The following PLEKHG4B variants were observed in gnomAD, a reference collection of about 807,000 sequenced individuals.
The protein encoded by PLEKHG4B is pleckstrin homology and RhoGEF domain containing G4B, also known as pleckstrin homology domain-containing family G member 4B.
In PLEKHG4B, 111 loss-of-function variants were observed where a neutral mutation model predicts 121.3. That is an observed-to-expected ratio of 0.92 (90% CI 0.78 to 1.07). The LOEUF is 1.07. Among genes scored for constraint, PLEKHG4B ranks in the 50% least tolerant of loss-of-function variants. The pLI is 0.00. For synonymous variants in PLEKHG4B, 738 were observed against 725.0 expected (o/e 1.02, Z -0.29); for missense variants, 1,831 against 1,757.8 (o/e 1.04, Z -0.74).
chr5:123,993 C>T (rs1439603484), intron 2 of PLEKHG4B, among the ~76,000 whole-genome samples: 1 of 152,034 alleles, frequency 6.6e-6, no homozygotes, highest in Non-Finnish European at 1.5e-5. Context: ...GCATTTATAG[C>T]TATAAATTTC....
intron 17 of PLEKHG4B, 73 bp downstream of exon 17, chr5:173,140 C>T: frequency 2.0e-6 from 3 of 1,475,324 alleles, no homozygotes; most frequent in Non-Finnish European, 2.8e-6. Flanking sequence ...CCTTGTCTCA[C>T]CTAAGGCCAG....
At chr5:121,204 G>GCA (rs1361474262) in intron 2 of PLEKHG4B, among the ~76,000 whole-genome samples, 1 of 151,480 alleles carries the variant, frequency 6.6e-6, no homozygotes, top group East Asian at 1.9e-4. Flanking sequence ...CCGAGATCGT[G>GCA]CCACTGCACT....
At position 156,282 on chromosome 5, in the gene PLEKHG4B, G is replaced by A. The variant is rs1735779952; in HGVS notation, c.2348+72G>A. On this transcript the variant is annotated intron_variant, in intron 10 of 19. Coordinates refer to ENST00000637938, the MANE Select transcript of PLEKHG4B (RefSeq NM_052909.5). The surrounding 1 kb of genome is among the most constrained non-coding windows in gnomAD (Gnocchi z 4.4). Reference sequence around the variant, plus strand: ...CTGCTCGGGGGAGTTTGCACCAGGAGGCGTAGCGCTCTGCTCCAAGGAGAG... The same window carrying A: ...CTGCTCGGGGGAGTTTGCACCAGGAAGCGTAGCGCTCTGCTCCAAGGAGAG... 1.5e-6 allele frequency: 2 copies of A among 1,321,426 alleles called. No individual in the cohort carries two copies. The highest frequency in any genetic ancestry group is 1.9e-6 in the Non-Finnish European group (2 of 1,025,720). 81.9% of individuals were successfully genotyped at this position (1,321,426 alleles called of 1,614,324 possible).
At chr5:160,207 C>A (rs558989368) in intron 11 of PLEKHG4B, among the ~76,000 whole-genome samples, 4 of 152,370 alleles carry the variant, frequency 2.6e-5, no homozygotes, top group African/African-American at 9.6e-5. Context: ...GCATGCGCTG[C>A]AAGCTCAGTC....
intron 2 of PLEKHG4B, among the ~76,000 whole-genome samples, chr5:117,562 A>G (rs1560905427): frequency 6.6e-6 from 1 of 152,196 alleles, no homozygotes; most frequent in Non-Finnish European, 1.5e-5. Context: ...GGAGAAGTTT[A>G]GAGAAAAGGG....
chr5:115,872 A>G (rs1482926877), intron 2 of PLEKHG4B, among the ~76,000 whole-genome samples: 1 of 152,232 alleles, frequency 6.6e-6, no homozygotes, highest in Non-Finnish European at 1.5e-5. Flanking sequence ...TCTTCTATCC[A>G]GACCACAAAG....
intron 2 of PLEKHG4B, among the ~76,000 whole-genome samples, chr5:118,375 G>A (rs1734365212): frequency 6.6e-6 from 1 of 152,118 alleles, no homozygotes; most frequent in Non-Finnish European, 1.5e-5. Context: ...TCCATTATGG[G>A]GCATACGTAG....
At chr5:150,717 A>C (rs1409027436) in intron 6 of PLEKHG4B, among the ~76,000 whole-genome samples, 2 of 152,234 alleles carry the variant, frequency 1.3e-5, no homozygotes, top group Admixed American at 1.3e-4. Flanking sequence ...ACTGAAAACC[A>C]AAATGAAACA....
chr5:148,671 T>C (rs1411473219), intron 6 of PLEKHG4B, among the ~76,000 whole-genome samples: 1 of 152,226 alleles, frequency 6.6e-6, no homozygotes, highest in Non-Finnish European at 1.5e-5. Flanking sequence ...ATAGATTCAG[T>C]GCAATCCCTA....
chr5:173,790 T>C (rs912672560), intron 17 of PLEKHG4B, 128 bp from the exon 18 acceptor site: 1 of 1,125,712 alleles, frequency 8.9e-7, no homozygotes, highest in African/African-American at 1.5e-5. Context: ...TCGCTCACCC[T>C]GACCCATCCC....
At chr5:178,467 T>A (rs1736830921) in intron 18 of PLEKHG4B, among the ~76,000 whole-genome samples, 1 of 152,216 alleles carries the variant, frequency 6.6e-6, no homozygotes, top group South Asian at 2.1e-4. Context: ...TATTGCAGAG[T>A]TCTGATCATG....
At position 137,591 on chromosome 5, in the gene PLEKHG4B, G is replaced by T. The variant is rs1413518939; in HGVS notation, c.244-1892G>T. Among the ~76,000 whole-genome samples, 1 of 152,182 alleles carries T rather than the reference G, an allele frequency of 6.6e-6. No individual in the cohort carries two copies. Among genetic ancestry groups the T allele is most frequent in the Non-Finnish European group, 1.5e-5 (1 of 68,036 alleles). On this transcript the variant is annotated intron_variant, in intron 2 of 19. Transcript: ENST00000637938. This position sits in a 1 kb window ranked among gnomAD's most constrained non-coding sequence, Gnocchi z 4.2. ...TCTCATCAAATATTTGATATGTAGA[G>T]ACCTGTAGACCCCTGTGGGAGGGCA...
chr5:165,465 T>C (rs1211948328), intron 13 of PLEKHG4B, among the ~76,000 whole-genome samples: 1 of 56,032 alleles, frequency 1.8e-5, no homozygotes, highest in African/African-American at 6.9e-5. Context: ...CTCACACTAA[T>C]GCTCTGACGG....
chr5:93,553 G>A (rs1191746101), intron 1 of PLEKHG4B, among the ~76,000 whole-genome samples: 1 of 152,096 alleles, frequency 6.6e-6, no homozygotes, highest in Non-Finnish European at 1.5e-5. Flanking sequence ...TGCGGCATCC[G>A]GTGTGCAAAT....
At chr5:108,094 T>G (rs764909504) in intron 1 of PLEKHG4B, among the ~76,000 whole-genome samples, 2 of 152,148 alleles carry the variant, frequency 1.3e-5, no homozygotes, top group Non-Finnish European at 2.9e-5. Context: ...GGGCTTCCCT[T>G]GTGGATTGGG....
chr5:99,168 GTGTATA>G (rs1560892403), intron 1 of PLEKHG4B, among the ~76,000 whole-genome samples: 1 of 45,118 alleles, frequency 2.2e-5, no homozygotes, highest in Non-Finnish European at 3.8e-5. Context: ...AAAAAAAAAA[GTGTATA>G]TATATATATA....
intron 18 of PLEKHG4B, among the ~76,000 whole-genome samples, chr5:179,110 T>A (rs1736855141): frequency 6.6e-6 from 1 of 152,216 alleles, no homozygotes. Context: ...TTTGCAAAGT[T>A]AGTGTTTACA....
intron 2 of PLEKHG4B, among the ~76,000 whole-genome samples, chr5:117,436 C>T (rs375616595): frequency 9.2e-5 from 14 of 152,316 alleles, no homozygotes; most frequent in Non-Finnish European, 1.5e-4. Context: ...TGTTGCCTGT[C>T]TCCCAACCCT....
chr5:152,572 A>G (rs1216003863), intron 7 of PLEKHG4B, among the ~76,000 whole-genome samples: 1 of 152,076 alleles, frequency 6.6e-6, no homozygotes, highest in African/African-American at 2.4e-5. Flanking sequence ...TCAATTGCGT[A>G]TACCAGTATT....
Sources: allele counts gnomAD v4.1 joint callset (sites outside exome capture counted in the v4.1 genomes callset), GRCh38; gene constraint gnomAD v4.1.1; non-coding constraint Gnocchi (gnomAD v3.1); transcripts MANE v1.5; gene names NCBI Gene and HGNC (gene_info 2026-07-23, HGNC 2026-07-21).